The following LPCAT3 variants were observed in gnomAD, a reference collection of about 807,000 sequenced individuals.
The protein encoded by LPCAT3 is lysophosphatidylcholine acyltransferase 3.
In LPCAT3, 21 loss-of-function variants were observed where a neutral mutation model predicts 63.4. The ratio of observed to expected loss-of-function variants is 0.33; its 90% CI spans 0.23 to 0.48. The LOEUF (loss-of-function observed/expected upper bound fraction) is 0.48. Ranked by LOEUF, LPCAT3 falls within the 20% of genes least tolerant of loss-of-function variation. LPCAT3 has a pLI of 0.99. For missense variants in LPCAT3, 451 were observed against 590.6 expected (o/e 0.76, Z 2.45); for synonymous variants, 242 against 227.5 (o/e 1.06, Z -0.58).
intron 1 of LPCAT3, among the ~76,000 whole-genome samples, chr12:7,004,867 A>G (rs782458462): frequency 6.6e-6 from 1 of 152,218 alleles, no homozygotes; most frequent in Non-Finnish European, 1.5e-5. Context: ...GGCCCTTCAC[A>G]GTCTTTCCAG....
chr12:7,001,410 A>G, intron 1 of LPCAT3: 2 of 456,066 alleles, frequency 4.4e-6, no homozygotes, highest in Non-Finnish European at 8.8e-6. Flanking sequence ...CACCACCCCA[A>G]CAAAATTAGG....
intron 1 of LPCAT3, among the ~76,000 whole-genome samples, chr12:6,988,918 G>A (rs1946558900): frequency 6.6e-6 from 1 of 152,062 alleles, no homozygotes; most frequent in South Asian, 2.1e-4. Flanking sequence ...CCTGAGGTCA[G>A]GAGTTTGAGA....
At chr12:6,989,661 T>A (rs1367888470) in intron 1 of LPCAT3, among the ~76,000 whole-genome samples, 2 of 151,944 alleles carry the variant, frequency 1.3e-5, no homozygotes, top group African/African-American at 2.4e-5. Context: ...TCTTCAGGGG[T>A]TGTAGTCAAG....
At chr12:6,988,051 A>G (rs1425188113) in intron 1 of LPCAT3, 2 of 191,798 alleles carry the variant, frequency 1.0e-5, no homozygotes, top group Middle Eastern at 1.2e-3. Context: ...TTAAAGGTGT[A>G]AAAAAAAAAA....
At chr12:7,001,383 TA>T (rs1242906595) in intron 1 of LPCAT3, 10 of 453,230 alleles carry the variant, frequency 2.2e-5, no homozygotes, top group Admixed American at 9.6e-5. Context: ...ATCCTAGATT[TA>T]AAAAAAATAA....
intron 1 of LPCAT3, among the ~76,000 whole-genome samples, chr12:6,985,283 C>A (rs782467685): frequency 6.6e-6 from 1 of 151,828 alleles, no homozygotes; most frequent in South Asian, 2.1e-4. Flanking sequence ...ATAGTCCCAG[C>A]TACTAGGGAG....
chr12:6,979,150 A>C, intron 7 of LPCAT3: 1 of 365,714 alleles, frequency 2.7e-6, no homozygotes, highest in South Asian at 4.1e-5. Flanking sequence ...AGTCAAGAGA[A>C]GAAAATAGGA....
chr12:6,990,602 T>C (rs1946579960), intron 1 of LPCAT3, among the ~76,000 whole-genome samples: 1 of 151,484 alleles, frequency 6.6e-6, no homozygotes, highest in African/African-American at 2.4e-5. Flanking sequence ...ATGTGGGAAC[T>C]ATATATCAAT....
chr12:6,985,089 T>TAA (rs10559240), intron 1 of LPCAT3, among the ~76,000 whole-genome samples: 1 of 112,640 alleles, frequency 8.9e-6, no homozygotes, highest in African/African-American at 3.5e-5. Flanking sequence ...CCCCATACAT[T>TAA]AAAAAAAAAA....
rs1351858709 is a variant in LPCAT3, at chr12:6,976,803, TC to T, written c.*100del. ...CAGCTGGAAGCATCGATCTTCCACC[TC>T]CCTGGCTTTTCCATTCTCTGCTCTG... On this transcript the variant is annotated 3_prime_UTR_variant, in exon 13 of 13. Transcript: ENST00000261407. 4 of 196,718 alleles carry T rather than the reference TC, an allele frequency of 2.0e-5. No homozygotes were observed. The highest frequency in any genetic ancestry group is 2.2e-3 in the Middle Eastern group (1 of 458). 12.2% of individuals were successfully genotyped at this position (196,718 alleles called of 1,614,324 possible).
intron 1 of LPCAT3, chr12:7,001,403 C>A (rs782662963): frequency 2.2e-6 from 1 of 455,820 alleles, no homozygotes; most frequent in South Asian, 1.5e-5. Flanking sequence ...AATCAACCAC[C>A]ACCCCAACAA....
At chr12:7,013,189 G>C (rs147919477) in intron 1 of LPCAT3, among the ~76,000 whole-genome samples, 3 of 152,232 alleles carry the variant, frequency 2.0e-5, no homozygotes, top group African/African-American at 4.8e-5. Flanking sequence ...GTGACTGAAG[G>C]GCACTCCAGG....
In LPCAT3 at chr12:6,981,041, C is replaced by T; in HGVS notation, c.640G>A (p.Gly214Arg). ...SMNHYMKLVQ[G>R]ELIDIPGKIP... ...TTTCCTGGTATGTCAATCAGCTCTC[C>T]CTGCACCAGCTTCATGTAGTGATTC... Residue 214 changes from glycine (G) to arginine (R), a missense_variant, in exon 6 of 13, where the codon GGA becomes AGA. Around this residue, in one of 3 missense-constraint regions of LPCAT3, gnomAD observed 304 missense variants for 390.8 expected, o/e 0.78. Coordinates refer to ENST00000261407, the MANE Select transcript of LPCAT3 (RefSeq NM_005768.6). The T allele has an allele frequency of 6.2e-7, 1 of 1,610,082 alleles. No homozygotes were observed. The highest frequency in any genetic ancestry group is 8.5e-7 in the Non-Finnish European group (1 of 1,178,506).
intron 2 of LPCAT3, 104 bp from the exon 3 acceptor site, chr12:6,982,886 C>CT (rs1230027452): frequency 6.5e-5 from 47 of 728,132 alleles, no homozygotes; most frequent in Admixed American, 2.4e-4. Context: ...GCATCAGGAT[C>CT]TTTTTTTTCA....
rs781857772 is a variant in LPCAT3, at chr12:6,979,562, T to G, written c.695A>C (p.Lys232Thr). 1.1e-5 allele frequency: 18 copies of G among 1,613,474 alleles called. No individual in the cohort carries two copies. The highest frequency in any genetic ancestry group is 1.6e-4 in the Middle Eastern group (1 of 6,084). Residue 232 changes from lysine to threonine, a missense_variant, in exon 7 of 13, where the codon AAG (lysine) becomes ACG (threonine). This residue lies in a region of LPCAT3 where 304 missense variants were observed against 390.8 expected (regional missense o/e 0.78). Transcript: ENST00000261407. ...GTAGAAAAGGCCCAGACTCAGGCGC[T>G]TGAGAGCAGGAATGATGCTGGAAAG... is the stretch of plus-strand genomic sequence containing the variant. ...KIPNSIIPAL[K>T]RLSLGLFYLV...
intron 1 of LPCAT3, among the ~76,000 whole-genome samples, chr12:6,995,048 T>G (rs1016553642): frequency 1.3e-4 from 20 of 152,246 alleles, no homozygotes; most frequent in Non-Finnish European, 2.5e-4. Context: ...CAGTTTTAAT[T>G]TGATATTTCA....
chr12:6,990,958 G>C (rs1201542846), intron 1 of LPCAT3, among the ~76,000 whole-genome samples: 1 of 139,186 alleles, frequency 7.2e-6, no homozygotes, highest in African/African-American at 2.7e-5. Context: ...TAAAAAAAAA[G>C]TAAAAGATAT....
In LPCAT3 at chr12:7,018,283, T is replaced by C; in HGVS notation, c.142A>G (p.Ile48Val). 2 of 1,603,040 alleles carry C rather than the reference T, an allele frequency of 1.2e-6. No individual in the cohort carries two copies. The highest frequency in any genetic ancestry group is 1.7e-6 in the Non-Finnish European group (2 of 1,175,300). The change falls in exon 1 of 13, where the codon ATC becomes GTC. Residue 48 changes from isoleucine to valine, a missense_variant. By Grantham distance (29) the Ile-to-Val change is conservative. This residue lies in a region of LPCAT3 where 133 missense variants were observed against 152.1 expected (regional missense o/e 0.87). Transcript: ENST00000261407. This position sits in a 1 kb window ranked among gnomAD's most constrained non-coding sequence, Gnocchi z 4.9. ...SEQALRLIIS[I>V]FLGYPFALFY... is the part of the protein sequence containing the mutation. The stretch of plus-strand genomic sequence containing the variant: ...GCAGGAGGGTCCTTACCCAGGAAGA[T>C]GGAGATGATCAGCCGCAGCGCCTGT...
intron 1 of LPCAT3, among the ~76,000 whole-genome samples, chr12:6,988,953 G>A (rs1946559073): frequency 6.6e-6 from 1 of 151,966 alleles, no homozygotes; most frequent in Non-Finnish European, 1.5e-5. Context: ...GAGAAACCCT[G>A]TCTCTACTAA....
Sources: gnomAD v4.1 joint callset for allele counts (sites outside exome capture counted in the v4.1 genomes callset) on GRCh38, gnomAD v4.1.1 for gene constraint, gnomAD v4.1.1 regional missense constraint, Gnocchi (gnomAD v3.1) non-coding constraint, MANE v1.5 for transcripts, NCBI Gene and HGNC (gene_info 2026-07-23, HGNC 2026-07-21) for gene names.